The following PRKN variants were observed in gnomAD, a reference collection of about 807,000 sequenced individuals.
PRKN encodes parkin RBR E3 ubiquitin protein ligase.
A neutral mutation model predicts 59.5 loss-of-function variants in PRKN; 56 were observed. That is an observed-to-expected ratio of 0.94 (90% CI 0.76 to 1.18). The LOEUF is 1.18. Ranked by LOEUF, PRKN falls within the 50% of genes most tolerant of loss-of-function variation. The probability of loss-of-function intolerance (pLI) is 0.00; values close to 1 mark genes in which losing one functional copy is unlikely to be tolerated. For missense variants in PRKN, 657 were observed against 596.4 expected (o/e 1.10, Z -1.06); for synonymous variants, 250 against 222.1 (o/e 1.13, Z -1.12).
chr6:162,640,574 T>A (rs539849534), intron 1 of PRKN, among the ~76,000 whole-genome samples: 2 of 152,150 alleles, frequency 1.3e-5, no homozygotes, highest in Non-Finnish European at 2.9e-5. Flanking sequence ...CAGCAACATA[T>A]CTAAACAAAT....
intron 9 of PRKN, among the ~76,000 whole-genome samples, chr6:161,513,524 C>T (rs150541861): frequency 2.9e-5 from 2 of 70,022 alleles, no homozygotes; most frequent in Non-Finnish European, 6.0e-5. Context: ...GATTACAGCA[C>T]ATTTTTTTTT....
At chr6:162,224,770 G>A (rs1213138008) in intron 3 of PRKN, among the ~76,000 whole-genome samples, 1 of 152,092 alleles carries the variant, frequency 6.6e-6, no homozygotes, top group African/African-American at 2.4e-5. Context: ...ATACGCCCTA[G>A]GGAGAAAATC....
chr6:161,352,436 G>A lies in PRKN; in HGVS notation c.1286-2225C>T, dbSNP rs1784585367. Among the ~76,000 whole-genome samples the A allele has an allele frequency of 6.6e-6, 1 of 151,966 alleles. No individual in the cohort carries two copies. The highest frequency in any genetic ancestry group is 1.5e-5 in the Non-Finnish European group (1 of 68,008). On this transcript the variant is annotated intron_variant, in intron 11 of 11. Coordinates refer to ENST00000366898, the MANE Select transcript of PRKN (RefSeq NM_004562.3). This position sits in a 1 kb window ranked among gnomAD's most constrained non-coding sequence, Gnocchi z 5.8. Reference sequence around the variant, plus strand: ...ATCTTCATACTTTCCACTTAGGTTTGTGCCATTTTCAGCACATATTGCATG... The same window carrying A: ...ATCTTCATACTTTCCACTTAGGTTTATGCCATTTTCAGCACATATTGCATG...
intron 9 of PRKN, among the ~76,000 whole-genome samples, chr6:161,437,880 T>G (rs1469126836): frequency 1.3e-5 from 2 of 152,142 alleles, no homozygotes; most frequent in Non-Finnish European, 2.9e-5. Context: ...ATAATACCTT[T>G]CCCCAAATAG....
intron 5 of PRKN, among the ~76,000 whole-genome samples, chr6:161,987,667 A>G (rs1186321734): frequency 1.3e-5 from 2 of 152,136 alleles, no homozygotes; most frequent in Non-Finnish European, 2.9e-5. Flanking sequence ...GAATATTTTC[A>G]GCCGATGATT....
intron 1 of PRKN, among the ~76,000 whole-genome samples, chr6:162,615,762 CAGGAT>C (rs1170740312): frequency 6.6e-6 from 1 of 152,114 alleles, no homozygotes; most frequent in East Asian, 1.9e-4. Context: ...AAAATCAGGA[CAGGAT>C]AGAAGAGAGG....
chr6:161,723,707 T>A (rs1037139223), intron 7 of PRKN, among the ~76,000 whole-genome samples: 2 of 152,122 alleles, frequency 1.3e-5, no homozygotes, highest in Non-Finnish European at 2.9e-5. Context: ...GGAAACTGAA[T>A]CACACACTCT....
intron 1 of PRKN, among the ~76,000 whole-genome samples, chr6:162,594,608 C>T (rs1157650787): frequency 6.6e-6 from 1 of 152,052 alleles, no homozygotes; most frequent in Non-Finnish European, 1.5e-5. Context: ...ATTACATAGG[C>T]TAGTTTATTA....
At chr6:162,414,664 T>C (rs558205477) in intron 2 of PRKN, among the ~76,000 whole-genome samples, 1 of 132,806 alleles carries the variant, frequency 7.5e-6, no homozygotes, top group Admixed American at 8.5e-5. Context: ...TGAACCAAGA[T>C]CGCACCACTG....
rs182603119 is a variant in PRKN at position 162,511,188 on chromosome 6, T to C, written c.8-67715A>G. Among the ~76,000 whole-genome samples the C allele has an allele frequency of 6.1e-3, 929 of 152,288 alleles. 8 individuals carry two copies. The highest frequency in any genetic ancestry group is 9.2e-3 in the Non-Finnish European group (625 of 68,018). On this transcript the variant is annotated intron_variant, in intron 1 of 11. Transcript: ENST00000366898. ...TTTATATGTTTTCTTTGTGTCTGCC[T>C]AATTTAATATTACTTTTTTTTTTCT...
intron 4 of PRKN, among the ~76,000 whole-genome samples, chr6:162,155,785 A>C (rs1782485390): frequency 8.0e-6 from 1 of 124,440 alleles, no homozygotes; most frequent in Non-Finnish European, 1.7e-5. Context: ...CTCAGTGCTC[A>C]GAAACTTTCA....
rs977431834 is a variant in PRKN at position 161,527,842 on chromosome 6, G to A, written c.1083+21012C>T. 3.3e-5 allele frequency among the ~76,000 whole-genome samples: 5 copies of A among 152,128 alleles called. No individual in the cohort carries two copies. Among genetic ancestry groups the A allele is most frequent in the Non-Finnish European group, 7.3e-5 (5 of 68,034 alleles). The stretch of plus-strand genomic sequence containing the variant: ...AATCAGCTGTCTGAAGAACCCTTGC[G>A]GGAGACTGATGGACCTTCACAGACA... On this transcript the variant is annotated intron_variant, in intron 9 of 11. Coordinates refer to ENST00000366898, the MANE Select transcript of PRKN (RefSeq NM_004562.3). This position sits in a 1 kb window ranked among gnomAD's most constrained non-coding sequence, Gnocchi z 4.6.
intron 4 of PRKN, among the ~76,000 whole-genome samples, chr6:162,160,026 C>A (rs1026714216): frequency 6.6e-6 from 1 of 152,040 alleles, no homozygotes; most frequent in African/African-American, 2.4e-5. Context: ...GAATGATCCA[C>A]AAAAGAAACA....
intron 4 of PRKN, among the ~76,000 whole-genome samples, chr6:162,068,006 G>T (rs528611757): frequency 3.9e-5 from 6 of 152,324 alleles, no homozygotes; most frequent in South Asian, 2.1e-4. Context: ...AGAGGCCGAT[G>T]TCGGACAGAT....
chr6:162,593,528 A>G (rs1280643716), intron 1 of PRKN, among the ~76,000 whole-genome samples: 2 of 152,152 alleles, frequency 1.3e-5, no homozygotes, highest in East Asian at 1.9e-4. Context: ...TATCACTGAA[A>G]TCTCACAATA....
intron 7 of PRKN, among the ~76,000 whole-genome samples, chr6:161,757,222 G>C (rs1378134548): frequency 4.6e-5 from 7 of 152,074 alleles, no homozygotes; most frequent in Admixed American, 4.6e-4. Context: ...AAAAGAACAA[G>C]CTGGCAAATT....
intron 6 of PRKN, among the ~76,000 whole-genome samples, chr6:161,968,187 A>ATTTTTTT (rs530441181): frequency 7.8e-6 from 1 of 127,998 alleles, no homozygotes; most frequent in African/African-American, 3.0e-5. Context: ...TGCCTGGCTA[A>ATTTTTTT]TTTTTTTTTT....
chr6:162,661,624 T>A (rs777192745), intron 1 of PRKN, among the ~76,000 whole-genome samples: 1 of 152,196 alleles, frequency 6.6e-6, no homozygotes, highest in Non-Finnish European at 1.5e-5. Flanking sequence ...ACTTGAAGGT[T>A]CCTGTGTCCT....
chr6:161,979,213 G>A (rs926238460), intron 5 of PRKN, among the ~76,000 whole-genome samples: 8 of 151,824 alleles, frequency 5.3e-5, no homozygotes, highest in African/African-American at 1.9e-4. Flanking sequence ...AAAAAAATAA[G>A]GCTTTAGAAA....
Sources: allele counts gnomAD v4.1 joint callset (sites outside exome capture counted in the v4.1 genomes callset), GRCh38; gene constraint gnomAD v4.1.1; non-coding constraint Gnocchi (gnomAD v3.1); transcripts MANE v1.5; gene names NCBI Gene and HGNC (gene_info 2026-07-23, HGNC 2026-07-21).